SIPA1L3: variants seen among roughly 807,000 people sequenced by gnomAD.
SIPA1L3 encodes signal-induced proliferation-associated 1-like protein 3.
Under a neutral mutation model 150.1 loss-of-function variants are expected in SIPA1L3, and 59 were observed. The ratio of observed to expected loss-of-function variants is 0.39; its 90% confidence interval spans 0.32 to 0.49. The LOEUF (loss-of-function observed/expected upper bound fraction) is 0.49. Ranked by LOEUF, SIPA1L3 falls within the 20% of genes least tolerant of loss-of-function variation. SIPA1L3 has a pLI of 0.86. For missense variants in SIPA1L3, 2,211 were observed against 2,489.5 expected, an observed-to-expected ratio of 0.89 and a Z score of 2.38; for synonymous variants, 1,070 against 1,077.6, an observed-to-expected ratio of 0.99 and a Z score of 0.14.
At chr19:38,132,734 G>A (rs139648371) in intron 10 of SIPA1L3, among the ~76,000 whole-genome samples, 2,565 of 149,852 alleles carry the variant, frequency 0.017, 72 homozygotes, top group African/African-American at 0.058. Context: ...TGCAACCTCC[G>A]CCTCCTGGGT....
chr19:38,084,873 C>T (rs1302173895), intron 3 of SIPA1L3, among the ~76,000 whole-genome samples: 1 of 151,990 alleles, frequency 6.6e-6, no homozygotes, highest in Non-Finnish European at 1.5e-5. Flanking sequence ...CTCCTGACCT[C>T]AGGTGATCCA....
chr19:38,048,005 C>T (rs950436589), intron 2 of SIPA1L3, among the ~76,000 whole-genome samples: 2 of 152,142 alleles, frequency 1.3e-5, no homozygotes, highest in African/African-American at 2.4e-5. Flanking sequence ...CCTGAGCTCT[C>T]GTGCACAGAG....
intron 2 of SIPA1L3, among the ~76,000 whole-genome samples, chr19:38,050,794 C>A (rs556224460): frequency 3.3e-5 from 5 of 152,228 alleles, no homozygotes; most frequent in African/African-American, 1.2e-4. Flanking sequence ...CATGGTGGCT[C>A]ATGCTTGTAA....
At chr19:38,135,435 G>C (rs577197019) in intron 10 of SIPA1L3, among the ~76,000 whole-genome samples, 1 of 152,310 alleles carries the variant, frequency 6.6e-6, no homozygotes, top group South Asian at 2.1e-4. Context: ...GTCAAGGCCA[G>C]ATAACCCCAC....
chr19:37,937,564 C>A (rs1401441884), intron 1 of SIPA1L3, among the ~76,000 whole-genome samples: 1 of 147,198 alleles, frequency 6.8e-6, no homozygotes, highest in Non-Finnish European at 1.5e-5. Flanking sequence ...CATGGCAAGA[C>A]CTCATCTCTA....
intron 19 of SIPA1L3, 152 bp downstream of exon 19, chr19:38,198,684 T>C: frequency 2.6e-6 from 2 of 782,266 alleles, no homozygotes; most frequent in South Asian, 5.0e-5. Flanking sequence ...TTGCTTACCA[T>C]GCAGCCCCGG....
chr19:37,946,169 AATAAT>A (rs2046710094), intron 1 of SIPA1L3, among the ~76,000 whole-genome samples: 4 of 143,870 alleles, frequency 2.8e-5, no homozygotes, highest in African/African-American at 1.1e-4. Flanking sequence ...AAAAAAAAAT[AATAAT>A]AATAATAAAG....
chr19:38,048,862 G>A (rs987057802), intron 2 of SIPA1L3, among the ~76,000 whole-genome samples: 10 of 152,128 alleles, frequency 6.6e-5, no homozygotes, highest in African/African-American at 1.2e-4. Context: ...AGGCTGAGGC[G>A]GGCAGATCAT....
chr19:38,125,332 G>A (rs79276406), intron 9 of SIPA1L3, among the ~76,000 whole-genome samples: 9 of 152,112 alleles, frequency 5.9e-5, no homozygotes, highest in East Asian at 5.8e-4. Context: ...CACTGTGCCC[G>A]GCCAAGCCTG....
At chr19:38,108,992 A>G (rs191373523) in intron 7 of SIPA1L3, among the ~76,000 whole-genome samples, 10 of 151,290 alleles carry the variant, frequency 6.6e-5, no homozygotes, top group African/African-American at 2.2e-4. Context: ...TCAGTCTCCA[A>G]AAAAAAAAGA....
intron 10 of SIPA1L3, chr19:38,131,799 A>C (rs1051760489): frequency 1.3e-5 from 2 of 151,902 alleles, no homozygotes; most frequent in Non-Finnish European, 2.9e-5. Flanking sequence ...CGCCCAGCTA[A>C]TTTTTGTATT....
intron 1 of SIPA1L3, among the ~76,000 whole-genome samples, chr19:37,912,734 T>C (rs529040455): frequency 7.9e-5 from 12 of 152,308 alleles, no homozygotes; most frequent in African/African-American, 2.6e-4. Flanking sequence ...TGGCCTCAAA[T>C]GATCCTCCCG....
At chr19:37,947,150 C>T (rs1385890576) in intron 1 of SIPA1L3, among the ~76,000 whole-genome samples, 2 of 151,732 alleles carry the variant, frequency 1.3e-5, no homozygotes, top group African/African-American at 2.4e-5. Context: ...GCTGGGATTG[C>T]GCCACTGCAC....
Position 38,158,158 on chromosome 19 carries a change from G to A in SIPA1L3, c.3662-4095G>A, listed in dbSNP as rs1382424829. Among the ~76,000 whole-genome samples, 6 of 152,038 alleles carry A rather than the reference G, an allele frequency of 3.9e-5. No individual in the cohort carries two copies. The East Asian group carries it at 1.2e-3, about 29-fold the overall frequency. On this transcript the variant is annotated intron_variant, in intron 13 of 21. Coordinates refer to ENST00000222345, the MANE Select transcript of SIPA1L3 (RefSeq NM_015073.3). ...TGAGGCAGGAGAATCACTTGAACCC[G>A]GGAGGTGGAGGTTGCAGTGAGCCGA... is the stretch of plus-strand genomic sequence containing the variant.
intron 15 of SIPA1L3, among the ~76,000 whole-genome samples, chr19:38,180,537 CTTTTT>C (rs60445902): frequency 2.4e-5 from 3 of 124,668 alleles, no homozygotes; most frequent in African/African-American, 3.0e-5. Flanking sequence ...TTTTTCTTTT[CTTTTT>C]TTTTTTTTTT....
intron 1 of SIPA1L3, among the ~76,000 whole-genome samples, chr19:37,919,425 G>A (rs1053115042): frequency 6.6e-6 from 1 of 152,194 alleles, no homozygotes; most frequent in African/African-American, 2.4e-5. Context: ...GGTAGGTACT[G>A]TTGTTATTAC....
intron 14 of SIPA1L3, among the ~76,000 whole-genome samples, chr19:38,163,318 C>T (rs1162716214): frequency 3.3e-5 from 5 of 151,926 alleles, no homozygotes; most frequent in Non-Finnish European, 2.9e-5. Flanking sequence ...AGTAAAACCC[C>T]GTCTCTACTA....
intron 1 of SIPA1L3, among the ~76,000 whole-genome samples, chr19:37,975,153 G>A (rs1284082984): frequency 1.3e-5 from 2 of 152,210 alleles, no homozygotes; most frequent in East Asian, 1.9e-4. Context: ...TGGAGGGGAC[G>A]CAAGAGACTT....
chr19:38,168,724 G>C (rs1395842384), intron 15 of SIPA1L3, among the ~76,000 whole-genome samples: 1 of 152,162 alleles, frequency 6.6e-6, no homozygotes, highest in Non-Finnish European at 1.5e-5. Flanking sequence ...TGTGTCTAAG[G>C]AAAGGATCTG....
Sources: gnomAD v4.1 joint callset for allele counts (sites outside exome capture counted in the v4.1 genomes callset) on GRCh38, gnomAD v4.1.1 for gene constraint, MANE v1.5 for transcripts, NCBI Gene and HGNC (gene_info 2026-07-23, HGNC 2026-07-21) for gene names.